RALGPS1: variants seen among roughly 807,000 people sequenced by gnomAD.
The protein encoded by RALGPS1 is Ral GEF with PH domain and SH3 binding motif 1.
RALGPS1 carries 19 observed loss-of-function variants against 78.8 expected under a neutral mutation model. The observed-to-expected ratio is 0.24, with a 90% CI of 0.17 to 0.35. RALGPS1 has a LOEUF of 0.35. Ranked by LOEUF, RALGPS1 falls within the 10% of genes least tolerant of loss-of-function variation. RALGPS1 has a pLI of 1.00. For synonymous variants in RALGPS1, 228 were observed against 256.3 expected, an observed-to-expected ratio of 0.89 and a Z score of 1.06; for missense variants, 454 against 688.3, an observed-to-expected ratio of 0.66 and a Z score of 3.81.
At chr9:127,003,250 A>G in intron 4 of RALGPS1, among the ~76,000 whole-genome samples, 1 of 152,152 alleles carries the variant, frequency 6.6e-6, no homozygotes, top group Non-Finnish European at 1.5e-5. Context: ...AGAAACTACC[A>G]TCAGAGTGAA....
chr9:127,184,387 A>G (rs2060498697), intron 11 of RALGPS1: 1 of 298,280 alleles, frequency 3.4e-6, no homozygotes, highest in African/African-American at 2.2e-5. Flanking sequence ...CTTGGCTGAC[A>G]GCGAGAACTC....
At chr9:126,930,371 A>G (rs1031951121) in intron 1 of RALGPS1, among the ~76,000 whole-genome samples, 1 of 152,114 alleles carries the variant, frequency 6.6e-6, no homozygotes, top group Non-Finnish European at 1.5e-5. Context: ...TGCAATTCCT[A>G]TGAGATATTT....
At chr9:127,140,334 T>A (rs1367145348) in intron 8 of RALGPS1, among the ~76,000 whole-genome samples, 3 of 152,182 alleles carry the variant, frequency 2.0e-5, no homozygotes, top group African/African-American at 4.8e-5. Context: ...CGGGCACTTG[T>A]GTAAAATGAT....
At chr9:127,101,369 A>T (rs1456990070) in intron 8 of RALGPS1, among the ~76,000 whole-genome samples, 1 of 152,168 alleles carries the variant, frequency 6.6e-6, no homozygotes, top group East Asian at 1.9e-4. Flanking sequence ...CCACATTAGG[A>T]TTGTTGGGGA....
chr9:127,096,519 G>C (rs921807918), intron 8 of RALGPS1, among the ~76,000 whole-genome samples: 2 of 152,212 alleles, frequency 1.3e-5, no homozygotes, highest in African/African-American at 4.8e-5. Flanking sequence ...GTAGGGAGAG[G>C]CTGTGGAGGC....
At chr9:126,990,059 AG>A in intron 4 of RALGPS1, 1 of 1,538,274 alleles carries the variant, frequency 6.5e-7, no homozygotes, top group Non-Finnish European at 8.8e-7. Context: ...CGGGCGTTCC[AG>A]AAAGCCGAGG....
chr9:126,949,024 T>C (rs1045499073), intron 1 of RALGPS1, among the ~76,000 whole-genome samples: 1 of 152,042 alleles, frequency 6.6e-6, no homozygotes, highest in Non-Finnish European at 1.5e-5. Context: ...GTCCATGTGT[T>C]CTCATTGTTC....
intron 5 of RALGPS1, among the ~76,000 whole-genome samples, chr9:127,048,345 CG>C (rs1467115417): frequency 6.6e-6 from 1 of 152,216 alleles, no homozygotes; most frequent in Non-Finnish European, 1.5e-5. Flanking sequence ...CTATCTTCTT[CG>C]AGAAGCCTTC....
chr9:127,147,340 G>A (rs2058151548), intron 8 of RALGPS1, among the ~76,000 whole-genome samples: 1 of 152,180 alleles, frequency 6.6e-6, no homozygotes, highest in South Asian at 2.1e-4. Context: ...TGCTTACTCT[G>A]TTGATAGTTT....
intron 4 of RALGPS1, among the ~76,000 whole-genome samples, chr9:126,990,996 G>A (rs2042235553): frequency 6.6e-6 from 1 of 152,136 alleles, no homozygotes; most frequent in Non-Finnish European, 1.5e-5. Context: ...AGGTGGTAGG[G>A]GCAGTCTTGG....
chr9:126,969,257 C>T (rs1360891858), intron 3 of RALGPS1, among the ~76,000 whole-genome samples: 1 of 152,166 alleles, frequency 6.6e-6, no homozygotes, highest in African/African-American at 2.4e-5. Flanking sequence ...GAGACAAGGT[C>T]TCACTATGTT....
At chr9:127,090,590 C>A (rs1199531244) in intron 8 of RALGPS1, among the ~76,000 whole-genome samples, 1 of 152,212 alleles carries the variant, frequency 6.6e-6, no homozygotes, top group Non-Finnish European at 1.5e-5. Flanking sequence ...GGATCCCCTC[C>A]ACCTTAGTAT....
At position 127,052,948 on chromosome 9, in the gene RALGPS1, A is replaced by G; in HGVS notation, c.483+9A>G. 3 of 1,544,160 alleles carry G rather than the reference A, an allele frequency of 1.9e-6. No individual in the cohort carries two copies. Among genetic ancestry groups the G allele is most frequent in the Non-Finnish European group, 2.7e-6 (3 of 1,116,494 alleles). ...TGACAAAAACCTGGGCTGTAAGTTA[A>G]TCTCCCTAAGTCTATCTAATTTTGG... On this transcript the variant is annotated intron_variant, in intron 7 of 18. Coordinates refer to ENST00000259351, the MANE Select transcript of RALGPS1 (RefSeq NM_014636.3).
Position 127,215,683 on chromosome 9 carries a change from A to G in RALGPS1, c.1644+841A>G, listed in dbSNP as rs368850392. ...CCCTGGTAACCCCTGCAGCTGAGCA[A>G]AAGACTGGAAGCACATCCCCAGCTG... On this transcript the variant is annotated intron_variant, in intron 18 of 18. Transcript: ENST00000259351. Among the ~76,000 whole-genome samples, 63 of 152,260 alleles carry G rather than the reference A, an allele frequency of 4.1e-4. 2 individuals are homozygous for G. In the South Asian group the frequency reaches 0.013, roughly 32 times the overall value.
chr9:127,116,980 C>T (rs1480270318), intron 8 of RALGPS1, among the ~76,000 whole-genome samples: 6 of 152,166 alleles, frequency 3.9e-5, no homozygotes, highest in Non-Finnish European at 8.8e-5. Context: ...TTTGGGTGCT[C>T]TCTCCCCTGC....
chr9:127,018,184 C>G (rs1442399180), intron 4 of RALGPS1, among the ~76,000 whole-genome samples: 3 of 151,978 alleles, frequency 2.0e-5, no homozygotes, highest in Non-Finnish European at 4.4e-5. Context: ...CACTGCACTC[C>G]AGCCTGAGTG....
chr9:126,969,371 A>G (rs1457405577), intron 3 of RALGPS1, among the ~76,000 whole-genome samples: 1 of 152,162 alleles, frequency 6.6e-6, no homozygotes, highest in East Asian at 1.9e-4. Flanking sequence ...CCTCCTAAAT[A>G]GCTCAGACTA....
intron 4 of RALGPS1, among the ~76,000 whole-genome samples, chr9:126,983,960 C>T (rs7026947): frequency 0.59 from 89,071 of 152,038 alleles, 30,177 homozygotes; most frequent in East Asian, 0.81. Flanking sequence ...TGTGAAGATT[C>T]ATTGATGGGT....
At position 127,214,796 on chromosome 9, in the gene RALGPS1, T is replaced by G; in HGVS notation, c.1598T>G (p.Leu533Arg). Residue 533 changes from leucine to arginine, a missense_variant, in exon 18 of 19, where the codon CTG (leucine) becomes CGG (arginine). Physicochemically the swap from Leu to Arg is moderately radical, Grantham distance 102. Transcript: ENST00000259351. ...FQTGSRFHAILWHKHLDDACK... is the reference protein window; with the variant it reads ...FQTGSRFHAIRWHKHLDDACK... Reference sequence around the variant, plus strand: ...ACTGGTTCCCGATTTCATGCAATACTGTGGCACAAGCATTTGGATGATGCA... The same window carrying G: ...ACTGGTTCCCGATTTCATGCAATACGGTGGCACAAGCATTTGGATGATGCA... 1 of 1,612,002 alleles carries G rather than the reference T, an allele frequency of 6.2e-7. No homozygotes were observed. Among genetic ancestry groups the G allele is most frequent in the Middle Eastern group, 1.7e-4 (1 of 6,058 alleles).
Sources: allele counts gnomAD v4.1 joint callset (sites outside exome capture counted in the v4.1 genomes callset), GRCh38; gene constraint gnomAD v4.1.1; transcripts MANE v1.5; gene names NCBI Gene and HGNC (gene_info 2026-07-23, HGNC 2026-07-21).